Variants in AGBL4 observed in about 807,000 individuals in gnomAD.
The protein encoded by AGBL4 is cytosolic carboxypeptidase 6.
AGBL4 carries 58 observed loss-of-function variants against 66.4 expected under a neutral mutation model. The observed-to-expected ratio is 0.87, with a 90% CI of 0.71 to 1.09. AGBL4 has a LOEUF of 1.09. Ranked by LOEUF, AGBL4 falls within the 50% of genes least tolerant of loss-of-function variation. The pLI is 0.00. For synonymous variants in AGBL4, 234 were observed against 222.9 expected, an observed-to-expected ratio of 1.05 and a Z score of -0.44; for missense variants, 579 against 631.0, an observed-to-expected ratio of 0.92 and a Z score of 0.88.
intron 3 of AGBL4, among the ~76,000 whole-genome samples, chr1:49,480,890 C>T (rs980608968): frequency 1.5e-4 from 23 of 152,088 alleles, no homozygotes; most frequent in African/African-American, 4.6e-4. Context: ...TATTGAATAG[C>T]GAGTCCTTTC....
At chr1:49,761,679 A>G (rs1652329712) in intron 2 of AGBL4, among the ~76,000 whole-genome samples, 1 of 152,210 alleles carries the variant, frequency 6.6e-6, no homozygotes, top group Admixed American at 6.5e-5. Flanking sequence ...ATCACCAAAC[A>G]TCTATGATTT....
intron 3 of AGBL4, among the ~76,000 whole-genome samples, chr1:49,616,020 TA>T (rs1645243714): frequency 1.3e-5 from 2 of 152,178 alleles, no homozygotes; most frequent in Admixed American, 1.3e-4. Context: ...TTTCTTTACA[TA>T]CCCTTTTATA....
At chr1:49,837,911 G>A (rs548924664) in intron 2 of AGBL4, among the ~76,000 whole-genome samples, 1 of 152,254 alleles carries the variant, frequency 6.6e-6, no homozygotes, top group African/African-American at 2.4e-5. Context: ...CTATAGCCCT[G>A]AGCTATTGGA....
intron 3 of AGBL4, among the ~76,000 whole-genome samples, chr1:49,595,659 T>G (rs771468380): frequency 2.6e-5 from 4 of 152,110 alleles, no homozygotes; most frequent in Non-Finnish European, 5.9e-5. Context: ...GATGACATTT[T>G]TAAATGAAAT....
intron 1 of AGBL4, among the ~76,000 whole-genome samples, chr1:49,935,196 C>T (rs1311918312): frequency 6.6e-6 from 1 of 152,206 alleles, no homozygotes; most frequent in African/African-American, 2.4e-5. Context: ...GCACATGGCT[C>T]AGAGGGTCCT....
intron 3 of AGBL4, among the ~76,000 whole-genome samples, chr1:49,668,524 C>CCT (rs1228776095): frequency 6.6e-6 from 1 of 152,146 alleles, no homozygotes; most frequent in Non-Finnish European, 1.5e-5. Flanking sequence ...ATTTGTCTTT[C>CCT]CTCTACCTGC....
chr1:49,164,600 A>G (rs568033069), intron 4 of AGBL4, among the ~76,000 whole-genome samples: 1 of 152,236 alleles, frequency 6.6e-6, no homozygotes, highest in South Asian at 2.1e-4. Flanking sequence ...CCTTCTTAAG[A>G]CGGCTTTACT....
At chr1:49,429,300 G>A (rs1346920258) in intron 3 of AGBL4, among the ~76,000 whole-genome samples, 1 of 152,158 alleles carries the variant, frequency 6.6e-6, no homozygotes, top group Non-Finnish European at 1.5e-5. Flanking sequence ...GGTCTGTCTG[G>A]CAATGATCCT....
intron 8 of AGBL4, among the ~76,000 whole-genome samples, chr1:48,649,946 G>A (rs1645900070): frequency 6.6e-6 from 1 of 152,210 alleles, no homozygotes; most frequent in Non-Finnish European, 1.5e-5. Flanking sequence ...TTTACCCAAG[G>A]TCATATAGCA....
chr1:48,619,765 G>C (rs1279860086), intron 9 of AGBL4, among the ~76,000 whole-genome samples: 1 of 152,168 alleles, frequency 6.6e-6, no homozygotes. Context: ...GCAAAGCTTT[G>C]CCCTTGAAGT....
At chr1:48,755,050 GGAAT>G (rs768632364) in intron 6 of AGBL4, among the ~76,000 whole-genome samples, 6 of 152,142 alleles carry the variant, frequency 3.9e-5, no homozygotes, top group Non-Finnish European at 5.9e-5. Context: ...TCTTGTGTGT[GGAAT>G]GAATGAAAGA....
intron 1 of AGBL4, among the ~76,000 whole-genome samples, chr1:49,893,519 G>A (rs956007545): frequency 2.0e-5 from 3 of 152,146 alleles, no homozygotes; most frequent in Admixed American, 6.5e-5. Flanking sequence ...CCCAGGCCTG[G>A]CCGCATTCAC....
At chr1:48,681,200 T>C (rs1255677152) in intron 6 of AGBL4, among the ~76,000 whole-genome samples, 1 of 152,166 alleles carries the variant, frequency 6.6e-6, no homozygotes, top group African/African-American at 2.4e-5. Flanking sequence ...CATTTCTATA[T>C]CTGTAAAATA....
chr1:48,718,048 G>T (rs1368986905), intron 6 of AGBL4, among the ~76,000 whole-genome samples: 1 of 152,212 alleles, frequency 6.6e-6, no homozygotes, highest in African/African-American at 2.4e-5. Context: ...GCATGCTCCT[G>T]TTGGCTGCCC....
chr1:48,690,002 C>T (rs1646603472), intron 6 of AGBL4, among the ~76,000 whole-genome samples: 2 of 152,244 alleles, frequency 1.3e-5, no homozygotes, highest in Non-Finnish European at 2.9e-5. Context: ...GTTGCATGGG[C>T]TGCACTGTTA....
In AGBL4 at chr1:49,427,160, C is replaced by G. The variant is rs368393352; in HGVS notation, c.283-181296G>C. 1.4e-3 allele frequency among the ~76,000 whole-genome samples: 210 copies of G among 152,152 alleles called. 1 individual carries two copies. The highest frequency in any genetic ancestry group is 4.7e-3 in the African/African-American group (197 of 41,540). ...AAACATTGATTGAGCACCAATAGTA[C>G]TTGGTACTTGACATATGCAATATAT... On this transcript the variant is annotated intron_variant, in intron 3 of 13. Transcript: ENST00000371839.
chr1:48,730,080 G>A (rs889477345), intron 6 of AGBL4, among the ~76,000 whole-genome samples: 17 of 152,136 alleles, frequency 1.1e-4, no homozygotes, highest in Admixed American at 1.0e-3. Context: ...ATCAGACTGA[G>A]TTAGGAGACC....
chr1:49,668,815 C>G (rs1187669529), intron 3 of AGBL4, among the ~76,000 whole-genome samples: 1 of 152,128 alleles, frequency 6.6e-6, no homozygotes, highest in East Asian at 1.9e-4. Flanking sequence ...ACATTGTTTC[C>G]CTCATTCCCC....
intron 4 of AGBL4, among the ~76,000 whole-genome samples, chr1:49,049,433 G>A (rs1407251978): frequency 6.6e-6 from 1 of 151,716 alleles, no homozygotes; most frequent in African/African-American, 2.4e-5. Context: ...CATCTAGTTT[G>A]TCTCTTAACA....
Sources: allele counts gnomAD v4.1 joint callset (sites outside exome capture counted in the v4.1 genomes callset), GRCh38; gene constraint gnomAD v4.1.1; transcripts MANE v1.5; gene names NCBI Gene and HGNC (gene_info 2026-07-23, HGNC 2026-07-21).